Variants in VARS1 observed in about 807,000 individuals in gnomAD.
VARS1 encodes the protein valine--tRNA ligase.
In VARS1, 92 loss-of-function variants were observed where a neutral mutation model predicts 161.0. The ratio of observed to expected loss-of-function variants is 0.57; its 90% CI spans 0.48 to 0.68. VARS1 has a LOEUF of 0.68. Among genes scored for constraint, VARS1 ranks in the 30% least tolerant of loss-of-function variants. VARS1 has a pLI of 0.00. For synonymous variants in VARS1, 595 were observed against 682.5 expected (o/e 0.87, Z 2.00); for missense variants, 1,338 against 1,695.9 (o/e 0.79, Z 3.71).
chr6:31,785,151 G>A lies in VARS1; in HGVS notation c.1347+95C>T. The A allele has an allele frequency of 4.1e-6, 6 of 1,464,584 alleles. No individual in the cohort carries two copies. Among genetic ancestry groups the A allele is most frequent in the South Asian group, 2.3e-5 (2 of 86,356 alleles). 90.7% of individuals were successfully genotyped at this position (1,464,584 alleles called of 1,614,324 possible). A position where few individuals can be genotyped will look rare whatever the true frequency, so the allele number is the denominator to read the frequency against. On this transcript the variant is annotated intron_variant, in intron 10 of 29. Coordinates refer to ENST00000375663, the MANE Select transcript of VARS1 (RefSeq NM_006295.3). This position sits in a 1 kb window ranked among gnomAD's most constrained non-coding sequence, Gnocchi z 6.1. Reference sequence around the variant, plus strand: ...TGGTGTTTTACATGGGCCAGCTCCTGAGAGAGGGCCACAACACCTCTGCTT... The same window carrying A: ...TGGTGTTTTACATGGGCCAGCTCCTAAGAGAGGGCCACAACACCTCTGCTT...
Position 31,784,303 on chromosome 6 carries a change from C to T in VARS1, c.1582G>A (p.Asp528Asn), listed in dbSNP as rs868070180. The T allele has an allele frequency of 1.2e-5, 19 of 1,614,178 alleles. No individual in the cohort carries two copies. The highest frequency in any genetic ancestry group is 4.4e-5 in the South Asian group (4 of 91,090). ...FAYKVQGSDSDEEVVVATTRI... is the reference protein window; with the variant it reads ...FAYKVQGSDSNEEVVVATTRI... Reference sequence around the variant, plus strand: ...GTTGTTGCCACCACCACCTCCTCGTCGCTATCTGGGGTGACAGAAGGCCTT... The same window carrying T: ...GTTGTTGCCACCACCACCTCCTCGTTGCTATCTGGGGTGACAGAAGGCCTT... Residue 528 changes from aspartate (D) to asparagine (N), a missense_variant, in exon 13 of 30, where the codon GAC becomes AAC. Asp to Asn is a conservative substitution (Grantham distance 23). Around this residue, in one of 3 missense-constraint regions of VARS1, gnomAD observed 902 missense variants for 1,090.3 expected, o/e 0.83. Transcript: ENST00000375663. This position sits in a 1 kb window ranked among gnomAD's most constrained non-coding sequence, Gnocchi z 6.1.
rs1581658337 is a variant in VARS1 at position 31,791,551 on chromosome 6, A to G, written c.1100+59T>C. 1.9e-6 allele frequency: 3 copies of G among 1,544,730 alleles called. No homozygotes were observed. Among genetic ancestry groups the G allele is most frequent in the East Asian group, 2.3e-5 (1 of 43,876 alleles). ...AGAGAGGCTCGGGGGGCTGTCAGGG[A>G]AAAGGAGAGAGCCAGACTAGGCAGA... On this transcript the variant is annotated intron_variant, in intron 8 of 29. Transcript: ENST00000375663. This position sits in a 1 kb window ranked among gnomAD's most constrained non-coding sequence, Gnocchi z 5.0.
In VARS1 at chr6:31,782,289, T is replaced by C. The variant is rs777114107; in HGVS notation, c.2146A>G (p.Ile716Val). The change falls in exon 17 of 30, where the codon ATC becomes GTC. Residue 716 changes from isoleucine (I) to valine (V), a missense_variant. Around this residue, in one of 3 missense-constraint regions of VARS1, gnomAD observed 902 missense variants for 1,090.3 expected, o/e 0.83. Transcript: ENST00000375663. The surrounding 1 kb of genome is among the most constrained non-coding windows in gnomAD (Gnocchi z 8.3). The part of the protein sequence containing the change: ...QRTWHAWMDN[I>V]REWCISRQLW... ...CACACTGAGGACCCTACACACCGGA[T>C]GTTGTCCATCCAGGCATGCCATGTG... is the stretch of plus-strand genomic sequence containing the variant. 1.9e-6 allele frequency: 3 copies of C among 1,612,650 alleles called. No individual in the cohort carries two copies. The highest frequency in any genetic ancestry group is 2.2e-5 in the South Asian group (2 of 91,034).
In VARS1 at chr6:31,782,669, A is replaced by C. The variant is rs984526296; in HGVS notation, c.1888-36T>G. 3.7e-6 allele frequency: 6 copies of C among 1,612,946 alleles called. No individual in the cohort carries two copies. The African/African-American group carries it at 5.3e-5, about 14-fold the overall frequency. On this transcript the variant is annotated intron_variant, in intron 15 of 29. Coordinates refer to ENST00000375663, the MANE Select transcript of VARS1 (RefSeq NM_006295.3). This position sits in a 1 kb window ranked among gnomAD's most constrained non-coding sequence, Gnocchi z 8.3. ...ATGAGGCCTCATCATGGCGATGCCC[A>C]GCCATCCCTCCATCTCCCTGACCCG...
Position 31,792,249 on chromosome 6 carries a change from T to C in VARS1, c.839A>G (p.Tyr280Cys). The C allele has an allele frequency of 6.2e-7, 1 of 1,613,978 alleles. No homozygotes were observed. Among genetic ancestry groups the C allele is most frequent in the South Asian group, 1.1e-5 (1 of 91,082 alleles). Residue 280 changes from tyrosine to cysteine, a missense_variant, in exon 6 of 30, where the codon TAT becomes TGT. Physicochemically the swap from Tyr to Cys is radical, Grantham distance 194 (BLOSUM62 -2). This residue lies in a region of VARS1 where 902 missense variants were observed against 1,090.3 expected (regional missense o/e 0.83). Coordinates refer to ENST00000375663, the MANE Select transcript of VARS1 (RefSeq NM_006295.3). ...TTCCCCGGGTGGGGTTGGGAGGTCA[T>C]AGGTAATGACCCCAGGATCCCGTTT... ...REKRDPGVIT[Y>C]DLPTPPGEKK... is the part of the protein sequence containing the mutation.
At chr6:31,794,577 G>A (rs927262235) in intron 2 of VARS1, among the ~76,000 whole-genome samples, 2 of 152,130 alleles carry the variant, frequency 1.3e-5, no homozygotes, top group African/African-American at 2.4e-5. Flanking sequence ...TGTGCTCTGC[G>A]CACATCTTTT....
At position 31,792,769 on chromosome 6, in the gene VARS1, A is replaced by G; in HGVS notation, c.649T>C (p.Ser217Pro). 6.2e-7 allele frequency: 1 copy of G among 1,614,126 alleles called. No individual in the cohort carries two copies. Among genetic ancestry groups the G allele is most frequent in the Non-Finnish European group, 8.5e-7 (1 of 1,180,024 alleles). ...CGCCCTTCCTCACCTGGCTGATGAGAGAGAGGCCTGGCTCCTGAGTATAGA... is the reference window on the plus strand; with the variant it reads ...CGCCCTTCCTCACCTGGCTGATGAGGGAGAGGCCTGGCTCCTGAGTATAGA... Reference protein sequence around the residue: ...VVLYSGARPLSHQPGPEAPAL... With the variant: ...VVLYSGARPLPHQPGPEAPAL... Residue 217 changes from serine (S) to proline (P), a missense_variant, in exon 4 of 30, where the codon TCT becomes CCT. Physicochemically the swap from Ser to Pro is moderately conservative, Grantham distance 74 (BLOSUM62 -1). Around this residue, in one of 3 missense-constraint regions of VARS1, gnomAD observed 902 missense variants for 1,090.3 expected, o/e 0.83. Transcript: ENST00000375663.
At position 31,790,602 on chromosome 6, in the gene VARS1, CAAAAAAAAAAAAA is replaced by C. The variant is rs9279419; in HGVS notation, c.1100+995_1100+1007del. 2.1e-4 allele frequency among the ~76,000 whole-genome samples: 9 copies of C among 43,412 alleles called. No individual in the cohort carries two copies. The South Asian group carries it at 6.8e-3, about 33-fold the overall frequency. The allele number at this position is 43,412 out of a possible 152,430, so 28.5% of individuals were successfully genotyped here. A position where few individuals can be genotyped will look rare whatever the true frequency, so the allele number is the denominator to read the frequency against. ...GAGCAAAAAGAGTGAAACTCTGTCT[CAAAAAAAAAAAAA>C]AAAAAAAAAAAAAAAAGAATGACTT... On this transcript the variant is annotated intron_variant, in intron 8 of 29. Coordinates refer to ENST00000375663, the MANE Select transcript of VARS1 (RefSeq NM_006295.3).
At position 31,781,027 on chromosome 6, in the gene VARS1, A is replaced by C; in HGVS notation, c.2641T>G (p.Ser881Ala). 6.2e-7 allele frequency: 1 copy of C among 1,614,082 alleles called. No individual in the cohort carries two copies. Among genetic ancestry groups the C allele is most frequent in the Non-Finnish European group, 8.5e-7 (1 of 1,180,026 alleles). Residue 881 changes from serine to alanine, a missense_variant, in exon 22 of 30, where the codon TCC becomes GCC. Physicochemically the swap from Ser to Ala is moderately conservative, Grantham distance 99 (BLOSUM62 1). Around this residue, in one of 3 missense-constraint regions of VARS1, gnomAD observed 433 missense variants for 586.2 expected, o/e 0.74. Transcript: ENST00000375663. The surrounding 1 kb of genome is among the most constrained non-coding windows in gnomAD (Gnocchi z 6.8). ...CCCAGCACCCAGCCCACCTGCAGGG[A>C]GATTCCATAGATGACGTCCAGGGGA... ...IDPLDVIYGI[S>A]LQGLHNQLLN...
At position 31,779,781 on chromosome 6, in the gene VARS1, G is replaced by A. The variant is rs765740144; in HGVS notation, c.3115C>T (p.Gln1039Ter). Residue 1039 changes from glutamine to a stop codon, truncating the protein, a stop_gained, in exon 27 of 30, where the codon CAG becomes TAG. Coordinates refer to ENST00000375663, the MANE Select transcript of VARS1 (RefSeq NM_006295.3). LOFTEE classifies it high-confidence loss of function. The surrounding 1 kb of genome is among the most constrained non-coding windows in gnomAD (Gnocchi z 9.1). ...CLKPVLNGVD[Q>*]VAAECARQTL... ...TGGCGGGCACACTCAGCTGCCACCT[G>A]GTCCACCCCATTCAGTACAGGTTTC... The A allele has an allele frequency of 7.5e-5, 121 of 1,612,872 alleles. No individual in the cohort carries two copies. Among genetic ancestry groups the A allele is most frequent in the Non-Finnish European group, 5.1e-6 (6 of 1,180,006 alleles).
rs542520929 is a variant in VARS1, at chr6:31,779,365, G to T, written c.3400+60C>A. On this transcript the variant is annotated intron_variant, in intron 28 of 29. Transcript: ENST00000375663. This position sits in a 1 kb window ranked among gnomAD's most constrained non-coding sequence, Gnocchi z 9.1. ...ACCAAGCAGTCACTGCCGGACACTG[G>T]GTCCCAGAGTAGGCTGAGGGGACAG... 262 of 1,603,366 alleles carry T rather than the reference G, an allele frequency of 1.6e-4. 2 individuals are homozygous for T. The South Asian group carries it at 2.8e-3, about 17-fold the overall frequency.
chr6:31,792,130 CA>C (rs1165230630), intron 6 of VARS1, 86 bp downstream of exon 6: 39 of 1,535,838 alleles, frequency 2.5e-5, no homozygotes, highest in Admixed American at 3.6e-5. Context: ...CCTCACCAAA[CA>C]AAGTGGTGAG....
In VARS1 at chr6:31,780,513, G is replaced by A. The variant is rs773230067; in HGVS notation, c.2853C>T (p.Asn951=). The stretch of plus-strand genomic sequence containing the variant: ...CAAACTTGGTGGCATTCCAGAGCTT[G>A]TTGCAGAAGTGGCGGTAACCCAGTA... ...NRILGYRHFC[N]KLWNATKFAL... The change falls in exon 25 of 30, where the codon AAC becomes AAT. Residue 951 remains asparagine (N), a synonymous_variant. Coordinates refer to ENST00000375663, the MANE Select transcript of VARS1 (RefSeq NM_006295.3). This position sits in a 1 kb window ranked among gnomAD's most constrained non-coding sequence, Gnocchi z 5.1. 3 of 1,614,104 alleles carry A rather than the reference G, an allele frequency of 1.9e-6. No homozygotes were observed. The highest frequency in any genetic ancestry group is 2.2e-5 in the South Asian group (2 of 91,088).
At chr6:31,783,568 A>G (rs888292767) in intron 13 of VARS1, among the ~76,000 whole-genome samples, 2 of 151,776 alleles carry the variant, frequency 1.3e-5, no homozygotes, top group African/African-American at 2.4e-5. Context: ...CACATCTCTA[A>G]CCCCCACACT....
In VARS1 at chr6:31,777,770, T is replaced by C. The variant is rs1269937107; in HGVS notation, c.3727-108A>G. ...ATGAGCGAGGACCATGGGAGGTCAG[T>C]AGCTCAGAGGAGGCGTGAACCTGGC... On this transcript the variant is annotated intron_variant, in intron 29 of 29. Coordinates refer to ENST00000375663, the MANE Select transcript of VARS1 (RefSeq NM_006295.3). This position sits in a 1 kb window ranked among gnomAD's most constrained non-coding sequence, Gnocchi z 5.8. 6 of 1,349,766 alleles carry C rather than the reference T, an allele frequency of 4.4e-6. No individual in the cohort carries two copies. Among genetic ancestry groups the C allele is most frequent in the Non-Finnish European group, 4.1e-6 (4 of 968,580 alleles). 83.6% of individuals were successfully genotyped at this position (1,349,766 alleles called of 1,614,324 possible).
Position 31,784,621 on chromosome 6 carries a change from G to A in VARS1, c.1441C>T (p.Leu481Phe), listed in dbSNP as rs1813380193. The change falls in exon 11 of 30, where the codon CTC (leucine) becomes TTC (phenylalanine). Residue 481 changes from leucine to phenylalanine, a missense_variant. Around this residue, in one of 3 missense-constraint regions of VARS1, gnomAD observed 902 missense variants for 1,090.3 expected, o/e 0.83. Coordinates refer to ENST00000375663, the MANE Select transcript of VARS1 (RefSeq NM_006295.3). The surrounding 1 kb of genome is among the most constrained non-coding windows in gnomAD (Gnocchi z 6.1). Reference protein sequence around the residue: ...STRLVNWSCTLNSAISDIEVD... With the variant: ...STRLVNWSCTFNSAISDIEVD... ...TCAATGTCAGAGATGGCGGAGTTGA[G>A]GGTGCAGGACCAGTTAACAAGGCGG... The A allele has an allele frequency of 1.2e-6, 2 of 1,613,096 alleles. No homozygotes were observed. The highest frequency in any genetic ancestry group is 2.7e-5 in the African/African-American group (2 of 74,946).
rs1390326517 is a variant in VARS1, at chr6:31,795,355, T to G, written c.-33-105A>C. The G allele has an allele frequency of 1.3e-6, 1 of 790,814 alleles. No individual in the cohort carries two copies. Among genetic ancestry groups the G allele is most frequent in the East Asian group, 3.2e-5 (1 of 31,550 alleles). 49.0% of individuals were successfully genotyped at this position (790,814 alleles called of 1,614,324 possible). A position where few individuals can be genotyped will look rare whatever the true frequency, so the allele number is the denominator to read the frequency against. Reference sequence around the variant, plus strand: ...AGCTCCTTCGCCGCAGACACCCGAGTCCCATAGGACTGAGGGTCTGACCAG... The same window carrying G: ...AGCTCCTTCGCCGCAGACACCCGAGGCCCATAGGACTGAGGGTCTGACCAG... On this transcript the variant is annotated intron_variant, in intron 1 of 29. Coordinates refer to ENST00000375663, the MANE Select transcript of VARS1 (RefSeq NM_006295.3). The surrounding 1 kb of genome is among the most constrained non-coding windows in gnomAD (Gnocchi z 6.9).
chr6:31,795,120 C>T lies in VARS1; in HGVS notation c.98G>A (p.Trp33Ter). 2 of 1,485,744 alleles carry T rather than the reference C, an allele frequency of 1.3e-6. No individual in the cohort carries two copies. Among genetic ancestry groups the T allele is most frequent in the Non-Finnish European group, 1.8e-6 (2 of 1,117,420 alleles). The allele number at this position is 1,485,744 out of a possible 1,614,324, so 92.0% of individuals were successfully genotyped here. The change falls in exon 2 of 30, where the codon TGG becomes TAG. Residue 33 changes from tryptophan (W) to a stop codon, truncating the protein, a stop_gained. Coordinates refer to ENST00000375663, the MANE Select transcript of VARS1 (RefSeq NM_006295.3). LOFTEE classifies it high-confidence loss of function. This position sits in a 1 kb window ranked among gnomAD's most constrained non-coding sequence, Gnocchi z 6.9. ...RYGEAGEGPG[W>*]GGAHPRICLQ... ...ACAGATGCGGGGGTGGGCTCCTCCC[C>T]ATCCGGGACCCTCCCCAGCCTCCCC...
rs1208147418 is a variant in VARS1, at chr6:31,782,689, G to A, written c.1887+32C>T. Reference sequence around the variant, plus strand: ...TGCCCAGCCATCCCTCCATCTCCCTGACCCGGGCACTCTTGCCTCAGGCAG... The same window carrying A: ...TGCCCAGCCATCCCTCCATCTCCCTAACCCGGGCACTCTTGCCTCAGGCAG... On this transcript the variant is annotated intron_variant, in intron 15 of 29. Transcript: ENST00000375663. The surrounding 1 kb of genome is among the most constrained non-coding windows in gnomAD (Gnocchi z 8.3). The A allele has an allele frequency of 6.2e-7, 1 of 1,613,026 alleles. No homozygotes were observed. Among genetic ancestry groups the A allele is most frequent in the Non-Finnish European group, 8.5e-7 (1 of 1,179,996 alleles).
Sources: gnomAD v4.1 joint callset for allele counts (sites outside exome capture counted in the v4.1 genomes callset) on GRCh38, gnomAD v4.1.1 for gene constraint, gnomAD v4.1.1 regional missense constraint, Gnocchi (gnomAD v3.1) non-coding constraint, MANE v1.5 for transcripts, NCBI Gene and HGNC (gene_info 2026-07-23, HGNC 2026-07-21) for gene names.